FYB2: variants seen among roughly 807,000 people sequenced by gnomAD.
FYB2 encodes the protein FYN binding protein 2.
FYB2 carries 103 observed loss-of-function variants against 94.1 expected under a neutral mutation model. That is an observed-to-expected ratio of 1.09 (90% CI 0.93 to 1.29). The LOEUF (loss-of-function observed/expected upper bound fraction) is 1.29, where lower values mean the gene tolerates loss of function less well. FYB2 is among the 50% of genes most tolerant of loss of function. FYB2 has a pLI of 0.00. For synonymous variants in FYB2, 293 were observed against 287.9 expected (o/e 1.02, Z -0.18); for missense variants, 896 against 841.5 (o/e 1.06, Z -0.80).
At chr1:56,813,689 C>T (rs1048019395) in intron 1 of FYB2, among the ~76,000 whole-genome samples, 6 of 152,094 alleles carry the variant, frequency 3.9e-5, no homozygotes, top group Admixed American at 2.0e-4. Context: ...CATAAGAGTC[C>T]ACCTGTTATT....
chr1:56,738,744 G>A (rs1644885928), intron 13 of FYB2, 91 bp from the exon 14 acceptor site: 10 of 1,363,066 alleles, frequency 7.3e-6, no homozygotes, highest in Non-Finnish European at 8.2e-6. Context: ...TATTGATGAT[G>A]CTGGATTGCC....
chr1:56,809,854 T>C (rs1646727174), intron 1 of FYB2, among the ~76,000 whole-genome samples: 1 of 152,208 alleles, frequency 6.6e-6, no homozygotes, highest in Non-Finnish European at 1.5e-5. Flanking sequence ...TACAAAGCTA[T>C]TTCACTTCTC....
At chr1:56,743,384 A>G (rs893516352) in intron 11 of FYB2, among the ~76,000 whole-genome samples, 1 of 152,058 alleles carries the variant, frequency 6.6e-6, no homozygotes, top group African/African-American at 2.4e-5. Context: ...GACAAGTACT[A>G]TGAAAAAGAA....
intron 7 of FYB2, among the ~76,000 whole-genome samples, chr1:56,755,618 A>G (rs1459085796): frequency 2.0e-5 from 3 of 152,142 alleles, no homozygotes; most frequent in African/African-American, 7.2e-5. Flanking sequence ...CGAGGTCTCC[A>G]TCACTGCCAA....
intron 5 of FYB2, among the ~76,000 whole-genome samples, chr1:56,764,672 A>G (rs1305333293): frequency 6.6e-6 from 1 of 152,192 alleles, no homozygotes; most frequent in Non-Finnish European, 1.5e-5. Flanking sequence ...AAGCTGCTTT[A>G]AAGTCTTAGT....
intron 4 of FYB2, among the ~76,000 whole-genome samples, chr1:56,778,796 A>G (rs1415423956): frequency 6.6e-6 from 1 of 152,182 alleles, no homozygotes; most frequent in Non-Finnish European, 1.5e-5. Context: ...GCCTCATACC[A>G]TATTTGTTAT....
At chr1:56,786,571 T>A (rs1371475961) in intron 4 of FYB2, among the ~76,000 whole-genome samples, 1 of 152,196 alleles carries the variant, frequency 6.6e-6, no homozygotes, top group Non-Finnish European at 1.5e-5. Context: ...TTATGGCACA[T>A]CTGGGTTGGA....
At chr1:56,743,890 G>T in intron 11 of FYB2, 136 bp downstream of exon 11, 1 of 839,806 alleles carries the variant, frequency 1.2e-6, no homozygotes. Context: ...CACATATCTT[G>T]GTATTGCTTC....
intron 7 of FYB2, among the ~76,000 whole-genome samples, 177 bp downstream of exon 7, chr1:56,755,719 G>T (rs1308402443): frequency 2.6e-5 from 4 of 152,042 alleles, no homozygotes; most frequent in Admixed American, 6.6e-5. Context: ...ATAAGAGGGG[G>T]AGGCAAGGCA....
chr1:56,764,142 C>T (rs760291944), intron 5 of FYB2, among the ~76,000 whole-genome samples: 12 of 151,854 alleles, frequency 7.9e-5, no homozygotes, highest in East Asian at 1.9e-4. Flanking sequence ...TTAGTAGAGA[C>T]GAGGTTTCAC....
chr1:56,757,671 CCT>C (rs1645368741), intron 6 of FYB2, among the ~76,000 whole-genome samples: 1 of 127,850 alleles, frequency 7.8e-6, no homozygotes, highest in Middle Eastern at 3.7e-3. Flanking sequence ...TTCTTTCTTT[CCT>C]CTTTCCTTCC....
Position 56,723,623 on chromosome 1 carries a change from T to C in FYB2, c.1939A>G (p.Lys647Glu). 1 of 1,569,434 alleles carries C rather than the reference T, an allele frequency of 6.4e-7. No homozygotes were observed. The highest frequency in any genetic ancestry group is 1.1e-5 in the South Asian group (1 of 88,004). Reference protein sequence around the residue: ...KKQNLEKNRMKREEKLFRERF... With the variant: ...KKQNLEKNRMEREEKLFRERF... ...TCTCTAAATAGTTTTTCTTCTCTTT[T>C]CATTCTGTTCTTTTCTAAGTTTTGC... The change falls in exon 17 of 20, where the codon AAA becomes GAA. Residue 647 changes from lysine to glutamate, a missense_variant. Lys to Glu is a moderately conservative substitution (Grantham distance 56). Coordinates refer to ENST00000343433, the MANE Select transcript of FYB2 (RefSeq NM_001004303.5).
chr1:56,758,083 A>G (rs1489982565), intron 6 of FYB2, among the ~76,000 whole-genome samples: 1 of 151,858 alleles, frequency 6.6e-6, no homozygotes, highest in Non-Finnish European at 1.5e-5. Flanking sequence ...CTGGCCAAGA[A>G]TACACCATTT....
chr1:56,760,983 C>T (rs1183975336), intron 5 of FYB2, among the ~76,000 whole-genome samples: 1 of 152,114 alleles, frequency 6.6e-6, no homozygotes, highest in African/African-American at 2.4e-5. Flanking sequence ...TCAGAGTCCT[C>T]GCTTACTTTC....
chr1:56,741,132 A>G (rs1250519744), intron 12 of FYB2, among the ~76,000 whole-genome samples: 3 of 152,094 alleles, frequency 2.0e-5, no homozygotes, highest in Admixed American at 6.6e-5. Context: ...ATAAAGAACC[A>G]GAGGCTTTGT....
Position 56,773,717 on chromosome 1 carries a change from A to G in FYB2, c.954-5779T>C, listed in dbSNP as rs112967641. Among the ~76,000 whole-genome samples, 568 of 152,308 alleles carry G rather than the reference A, an allele frequency of 3.7e-3. 5 individuals are homozygous for G. The highest frequency in any genetic ancestry group is 0.012 in the African/African-American group (489 of 41,572). ...AAGTAGAAAGATTGAGACTTGAACA[A>G]CAAAACCTGTTAGCCATACTTGTAT... On this transcript the variant is annotated intron_variant, in intron 4 of 19. Coordinates refer to ENST00000343433, the MANE Select transcript of FYB2 (RefSeq NM_001004303.5).
At chr1:56,771,857 A>G (rs1645764057) in intron 4 of FYB2, among the ~76,000 whole-genome samples, 1 of 152,122 alleles carries the variant, frequency 6.6e-6, no homozygotes, top group Admixed American at 6.6e-5. Context: ...TATTATAATC[A>G]TAAGCACATT....
chr1:56,808,354 G>A (rs75923649), intron 1 of FYB2, among the ~76,000 whole-genome samples: 150 of 152,212 alleles, frequency 9.9e-4, no homozygotes, highest in African/African-American at 3.6e-3. Flanking sequence ...TGCAACTAAA[G>A]GGTGTTTGAA....
chr1:56,756,420 T>C (rs1246212151), intron 6 of FYB2, among the ~76,000 whole-genome samples: 1 of 152,106 alleles, frequency 6.6e-6, no homozygotes, highest in African/African-American at 2.4e-5. Flanking sequence ...GATCACAATG[T>C]AGCCCCTCAT....
Sources: allele counts gnomAD v4.1 joint callset (sites outside exome capture counted in the v4.1 genomes callset), GRCh38; gene constraint gnomAD v4.1.1; transcripts MANE v1.5; gene names NCBI Gene and HGNC (gene_info 2026-07-23, HGNC 2026-07-21).